NWD2: variants seen among roughly 807,000 people sequenced by gnomAD.
NWD2 encodes the protein NACHT and WD repeat domain-containing protein 2.
Under a neutral mutation model 132.7 loss-of-function variants are expected in NWD2, and 37 were observed. That is an observed-to-expected ratio of 0.28 (90% confidence interval 0.21 to 0.37). The LOEUF is 0.37. Ranked by LOEUF, NWD2 falls within the 10% of genes least tolerant of loss-of-function variation. The pLI is 1.00. For synonymous variants in NWD2, 705 were observed against 803.0 expected (o/e 0.88, Z 2.06); for missense variants, 1,592 against 2,122.4 (o/e 0.75, Z 4.91).
At chr4:37,308,447 G>C (rs1718757144) in intron 1 of NWD2, among the ~76,000 whole-genome samples, 1 of 152,192 alleles carries the variant, frequency 6.6e-6, no homozygotes, top group South Asian at 2.1e-4. Context: ...GGAGCTACCA[G>C]AGAGCCTGGT....
At chr4:37,407,881 G>T (rs1188914525) in intron 3 of NWD2, among the ~76,000 whole-genome samples, 1 of 152,150 alleles carries the variant, frequency 6.6e-6, no homozygotes, top group Non-Finnish European at 1.5e-5. Context: ...GCCCATGGAG[G>T]GCGAGCAGAA....
chr4:37,430,961 A>G (rs1320981914), intron 4 of NWD2, among the ~76,000 whole-genome samples, 186 bp downstream of exon 4: 1 of 152,134 alleles, frequency 6.6e-6, no homozygotes, highest in East Asian at 1.9e-4. Flanking sequence ...ATGAAACCAC[A>G]ATGCCATATC....
At chr4:37,437,038 T>C (rs1342107640) in intron 5 of NWD2, among the ~76,000 whole-genome samples, 1 of 152,090 alleles carries the variant, frequency 6.6e-6, no homozygotes, top group Admixed American at 6.6e-5. Context: ...ACTGAAAAAA[T>C]ATTATCACAA....
At chr4:37,251,952 T>C (rs1392477945) in intron 1 of NWD2, among the ~76,000 whole-genome samples, 2 of 152,184 alleles carry the variant, frequency 1.3e-5, no homozygotes, top group Non-Finnish European at 2.9e-5. Context: ...GCTCTTAGGG[T>C]ATTTACATAA....
intron 2 of NWD2, among the ~76,000 whole-genome samples, chr4:37,334,854 C>T (rs2109291824): frequency 6.6e-6 from 1 of 152,244 alleles, no homozygotes; most frequent in East Asian, 1.9e-4. Context: ...TTTTTCTTTA[C>T]CTCTGACATC....
Position 37,245,021 on chromosome 4 carries a change from G to A in NWD2, c.-47G>A. The A allele has an allele frequency of 1.3e-6, 2 of 1,538,908 alleles. No individual in the cohort carries two copies. The highest frequency in any genetic ancestry group is 1.2e-5 in the South Asian group (1 of 83,596). On this transcript the variant is annotated 5_prime_UTR_variant, in exon 1 of 7. Coordinates refer to ENST00000309447, the MANE Select transcript of NWD2 (RefSeq NM_001144990.2). ...GTGGAGCTGCGGGCAGGAACCCGAG[G>A]AGCAGGAGGTGGCGGCGGCGGCAGT...
At chr4:37,281,633 A>G (rs894773642) in intron 1 of NWD2, among the ~76,000 whole-genome samples, 1 of 152,136 alleles carries the variant, frequency 6.6e-6, no homozygotes, top group Non-Finnish European at 1.5e-5. Flanking sequence ...CCCATTTCAT[A>G]TATGAGAAAA....
intron 3 of NWD2, among the ~76,000 whole-genome samples, chr4:37,359,021 C>G (rs1719925205): frequency 6.6e-6 from 1 of 152,180 alleles, no homozygotes; most frequent in African/African-American, 2.4e-5. Context: ...GTGATCTCCA[C>G]AGCTTTACCG....
At chr4:37,267,032 G>A (rs1249182007) in intron 1 of NWD2, among the ~76,000 whole-genome samples, 5 of 151,786 alleles carry the variant, frequency 3.3e-5, no homozygotes, top group East Asian at 1.9e-4. Flanking sequence ...AAGATGAGTC[G>A]AATTTACGTA....
chr4:37,445,061 G>C lies in NWD2; in HGVS notation c.3073G>C (p.Val1025Leu). The C allele has an allele frequency of 1.9e-6, 3 of 1,551,810 alleles. No homozygotes were observed. Among genetic ancestry groups the C allele is most frequent in the Non-Finnish European group, 2.6e-6 (3 of 1,147,034 alleles). The change falls in exon 7 of 7, where the codon GTG (valine) becomes CTG (leucine). Residue 1025 changes from valine (V) to leucine (L), a missense_variant. Around this residue, in one of 7 missense-constraint regions of NWD2, gnomAD observed 1,071 missense variants for 1,398.0 expected, o/e 0.77. Transcript: ENST00000309447. The surrounding 1 kb of genome is among the most constrained non-coding windows in gnomAD (Gnocchi z 4.7). ...ACTCACCAGTGATGAAAAGTACCTT[G>C]TGGTGGCTACAACAAATAACACCTT... is the stretch of plus-strand genomic sequence containing the variant. ...MKLTSDEKYL[V>L]VATTNNTLLI...
At position 37,300,905 on chromosome 4, in the gene NWD2, T is replaced by C. The variant is rs575841825; in HGVS notation, c.152-25031T>C. ...GACATATTATTTAAGACATAAATTA[T>C]TATTTTATGCAGCTAATACTTAGGC... On this transcript the variant is annotated intron_variant, in intron 1 of 6. Coordinates refer to ENST00000309447, the MANE Select transcript of NWD2 (RefSeq NM_001144990.2). Among the ~76,000 whole-genome samples the C allele has an allele frequency of 1.4e-4, 22 of 152,276 alleles. 1 individual carries two copies. Among genetic ancestry groups the C allele is most frequent in the African/African-American group, 5.3e-4 (22 of 41,584 alleles).
chr4:37,417,808 C>A (rs1302223381), intron 3 of NWD2, among the ~76,000 whole-genome samples: 1 of 152,042 alleles, frequency 6.6e-6, no homozygotes, highest in African/African-American at 2.4e-5. Flanking sequence ...CAGGAGGAGG[C>A]TAGAATGATC....
chr4:37,421,781 A>G (rs1250749782), intron 3 of NWD2, among the ~76,000 whole-genome samples: 2 of 152,212 alleles, frequency 1.3e-5, no homozygotes, highest in Non-Finnish European at 1.5e-5. Flanking sequence ...ATTCATCTGT[A>G]TGCTTGTATT....
At chr4:37,433,052 A>G (rs944995935) in intron 4 of NWD2, among the ~76,000 whole-genome samples, 3 of 152,004 alleles carry the variant, frequency 2.0e-5, no homozygotes, top group Middle Eastern at 3.2e-3. Flanking sequence ...AACATAACAC[A>G]TTTTCTCTGT....
At chr4:37,388,775 A>G (rs1231134771) in intron 3 of NWD2, among the ~76,000 whole-genome samples, 2 of 146,914 alleles carry the variant, frequency 1.4e-5, no homozygotes, top group African/African-American at 2.5e-5. Context: ...AGTCAGTGGC[A>G]TTAATTACAT....
At position 37,447,716 on chromosome 4, in the gene NWD2, G is replaced by T. The variant is rs1712675832; in HGVS notation, c.*499G>T. ...CTAGTCTGCAGTGAACGGTCTAAAG[G>T]TGCAAAATATGTAACAAAAATACCC... On this transcript the variant is annotated 3_prime_UTR_variant, in exon 7 of 7. Transcript: ENST00000309447. 6.4e-6 allele frequency: 1 copy of T among 156,324 alleles called. No individual in the cohort carries two copies. Among genetic ancestry groups the T allele is most frequent in the African/African-American group, 2.4e-5 (1 of 41,426 alleles). 9.7% of individuals were successfully genotyped at this position (156,324 alleles called of 1,614,324 possible). A position where few individuals can be genotyped will look rare whatever the true frequency, so the allele number is the denominator to read the frequency against.
In NWD2 at chr4:37,444,590, G is replaced by A; in HGVS notation, c.2602G>A (p.Gly868Ser). 1.3e-6 allele frequency: 2 copies of A among 1,551,846 alleles called. No individual in the cohort carries two copies. The highest frequency in any genetic ancestry group is 1.7e-6 in the Non-Finnish European group (2 of 1,147,030). The change falls in exon 7 of 7, where the codon GGC becomes AGC. Residue 868 changes from glycine to serine, a missense_variant. Coordinates refer to ENST00000309447, the MANE Select transcript of NWD2 (RefSeq NM_001144990.2). This position sits in a 1 kb window ranked among gnomAD's most constrained non-coding sequence, Gnocchi z 4.8. Reference protein sequence around the residue: ...FSWLYTMIKIGQFDKVLSDIE... With the variant: ...FSWLYTMIKISQFDKVLSDIE... ...CTGGCTTTATACCATGATCAAAATT[G>A]GCCAGTTTGACAAAGTGCTTTCAGA...
At chr4:37,401,425 C>G (rs1307172471) in intron 3 of NWD2, among the ~76,000 whole-genome samples, 1 of 152,158 alleles carries the variant, frequency 6.6e-6, no homozygotes, top group Non-Finnish European at 1.5e-5. Flanking sequence ...TTTGATTCCT[C>G]CCTGTCCCTG....
Position 37,447,458 on chromosome 4 carries a change from G to A in NWD2, c.*241G>A. On this transcript the variant is annotated 3_prime_UTR_variant, in exon 7 of 7. Coordinates refer to ENST00000309447, the MANE Select transcript of NWD2 (RefSeq NM_001144990.2). ...ATTTAAATGGTTACTTCATCTGAAAGGCAGAGGCTAAAAGTTTTTAAATTA... is the reference window on the plus strand; with the variant it reads ...ATTTAAATGGTTACTTCATCTGAAAAGCAGAGGCTAAAAGTTTTTAAATTA... 1 of 526,090 alleles carries A rather than the reference G, an allele frequency of 1.9e-6. No individual in the cohort carries two copies. The highest frequency in any genetic ancestry group is 1.9e-5 in the African/African-American group (1 of 52,706). 32.6% of individuals were successfully genotyped at this position (526,090 alleles called of 1,614,324 possible).
Sources: gnomAD v4.1 joint callset for allele counts (sites outside exome capture counted in the v4.1 genomes callset) on GRCh38, gnomAD v4.1.1 for gene constraint, gnomAD v4.1.1 regional missense constraint, Gnocchi (gnomAD v3.1) non-coding constraint, MANE v1.5 for transcripts, NCBI Gene and HGNC (gene_info 2026-07-23, HGNC 2026-07-21) for gene names.